The following POM121L12 variants were observed in gnomAD, a reference collection of about 807,000 sequenced individuals.
POM121L12 encodes POM121 transmembrane nucleoporin like 12.
For missense variants in POM121L12, 553 were observed against 409.2 expected (o/e 1.35, Z -3.03); for synonymous variants, 251 against 179.2 (o/e 1.40, Z -3.20).
chr7:53,036,021 AG>A, the POM121L12 span: 1 of 1,612,924 alleles, frequency 6.2e-7, no homozygotes, highest in Middle Eastern at 1.7e-4. Context: ...TGTGCCTGGG[AG>A]GGTTGCATGA....
chr7:53,035,715 T>C lies in POM121L12; in HGVS notation c.44T>C (p.Phe15Ser), dbSNP rs199657677. The C allele has an allele frequency of 1.4e-5, 22 of 1,610,258 alleles. No individual in the cohort carries two copies. In the East Asian group the frequency reaches 3.1e-4, roughly 23 times the overall value. ...GCCGAGTCCGCAGACCTCGGGAACTTCTGGAAGGCGGGAGAACCCCTGCTG... is the reference window on the plus strand; with the variant it reads ...GCCGAGTCCGCAGACCTCGGGAACTCCTGGAAGGCGGGAGAACCCCTGCTG... The part of the protein sequence containing the change: ...APAESADLGN[F>S]WKAGEPLLQG... The change falls in exon 1 of 1, where the codon TTC becomes TCC. Residue 15 changes from phenylalanine (F) to serine (S), a missense_variant. By Grantham distance (155) the Phe-to-Ser change is radical. Transcript: ENST00000408890.
At position 53,036,619 on chromosome 7, in the gene POM121L12, T is replaced by A; in HGVS notation, c.*57T>A. 1 of 1,514,922 alleles carries A rather than the reference T, an allele frequency of 6.6e-7. No homozygotes were observed. The allele number at this position is 1,514,922 out of a possible 1,614,324, so 93.8% of individuals were successfully genotyped here. A position where few individuals can be genotyped will look rare whatever the true frequency, so the allele number is the denominator to read the frequency against. On this transcript the variant is annotated 3_prime_UTR_variant, in exon 1 of 1. Transcript: ENST00000408890. ...CACAAGCCCACGTATCTACTTTCAC[T>A]TGCTCATCCTTGCTCTACCTCAACG...
rs759611723 is a variant in POM121L12, at chr7:53,036,163, C to T, written c.492C>T (p.Pro164=). 27 of 1,609,432 alleles carry T rather than the reference C, an allele frequency of 1.7e-5. No individual in the cohort carries two copies. The highest frequency in any genetic ancestry group is 1.6e-4 in the East Asian group (7 of 44,766). Residue 164 remains proline, a synonymous_variant, in exon 1 of 1, where the codon CCC becomes CCT. Coordinates refer to ENST00000408890, the MANE Select transcript of POM121L12 (RefSeq NM_182595.4). The part of the protein sequence containing the change: ...PGQRARPAGR[P]AAQELLDPCT... The stretch of plus-strand genomic sequence containing the variant: ...AGAGAGCCCGCCCCGCAGGCCGCCC[C>T]GCCGCCCAGGAGCTCCTGGACCCCT...
At chr7:53,035,774 AG>A in the POM121L12 span, 1 of 1,613,446 alleles carries the variant, frequency 6.2e-7, no homozygotes, top group Non-Finnish European at 8.5e-7. Flanking sequence ...TCCCATGAGC[AG>A]GTCACCCAGC....
At position 53,036,063 on chromosome 7, in the gene POM121L12, G is replaced by A; in HGVS notation, c.392G>A (p.Gly131Glu). ...GGGCTGTGTCGTGCCTGGAACCCAG[G>A]ACGGACCTGGAGCCCGGTGACCATC... ...KGGLCRAWNP[G>E]RTWSPVTIGI... Residue 131 changes from glycine to glutamate, a missense_variant, in exon 1 of 1, where the codon GGA becomes GAA. Gly to Glu is a moderately conservative substitution (Grantham distance 98, BLOSUM62 -2). Coordinates refer to ENST00000408890, the MANE Select transcript of POM121L12 (RefSeq NM_182595.4). The A allele has an allele frequency of 1.9e-6, 3 of 1,612,988 alleles. No homozygotes were observed. The highest frequency in any genetic ancestry group is 1.1e-5 in the South Asian group (1 of 91,080).
In POM121L12 at chr7:53,036,717, C is replaced by T. The variant is rs1362102480; in HGVS notation, c.*155C>T. ...GTCTGCCCGCCCCCAGATCTTCCCT[C>T]TGTGCTCCCTGCCACCCCAGCAGCT... On this transcript the variant is annotated 3_prime_UTR_variant, in exon 1 of 1. Transcript: ENST00000408890. 3.9e-6 allele frequency: 3 copies of T among 773,426 alleles called. No homozygotes were observed. The highest frequency in any genetic ancestry group is 1.8e-5 in the African/African-American group (1 of 56,982). The allele number at this position is 773,426 out of a possible 1,614,324, so 47.9% of individuals were successfully genotyped here.
At position 53,036,493 on chromosome 7, in the gene POM121L12, C is replaced by T. The variant is rs1272666777; in HGVS notation, c.822C>T (p.Ser274=). 1.2e-6 allele frequency: 2 copies of T among 1,613,842 alleles called. No homozygotes were observed. Among genetic ancestry groups the T allele is most frequent in the Non-Finnish European group, 1.7e-6 (2 of 1,180,004 alleles). The part of the protein sequence containing the change: ...IWDFWEATTP[S]CGSCSRVSFA... The stretch of plus-strand genomic sequence containing the variant: ...ACTTCTGGGAGGCGACAACGCCTTC[C>T]TGCGGCAGCTGCAGTAGGGTCTCCT... The change falls in exon 1 of 1, where the codon TCC becomes TCT. Residue 274 remains serine (S), a synonymous_variant. Transcript: ENST00000408890.
chr7:53,036,770 C>A lies in POM121L12; in HGVS notation c.*208C>A, dbSNP rs539000133. On this transcript the variant is annotated 3_prime_UTR_variant, in exon 1 of 1. Coordinates refer to ENST00000408890, the MANE Select transcript of POM121L12 (RefSeq NM_182595.4). ...TGATTTCAGAACCCTTGCCTTCGCCCTGCTGGCCCTCTCCTCCCTGCCCTT... is the reference window on the plus strand; with the variant it reads ...TGATTTCAGAACCCTTGCCTTCGCCATGCTGGCCCTCTCCTCCCTGCCCTT... 8.6e-5 allele frequency: 49 copies of A among 567,004 alleles called. No individual in the cohort carries two copies. Among genetic ancestry groups the A allele is most frequent in the African/African-American group, 8.0e-4 (43 of 53,422 alleles). 35.1% of individuals were successfully genotyped at this position (567,004 alleles called of 1,614,324 possible). A position where few individuals can be genotyped will look rare whatever the true frequency, so the allele number is the denominator to read the frequency against.
chr7:53,036,285 G>GT, the POM121L12 span: 1 of 1,614,110 alleles, frequency 6.2e-7, no homozygotes, highest in Non-Finnish European at 8.5e-7. Flanking sequence ...GACAGCAAGG[G>GT]TGGCAGGCGG....
In POM121L12 at chr7:53,035,947, G is replaced by T; in HGVS notation, c.276G>T (p.Val92=). 1 of 1,612,634 alleles carries T rather than the reference G, an allele frequency of 6.2e-7. No individual in the cohort carries two copies. Among genetic ancestry groups the T allele is most frequent in the Non-Finnish European group, 8.5e-7 (1 of 1,179,548 alleles). The part of the protein sequence containing the change: ...PTQDPAKPQR[V]VSEGWRRPAL... ...AGGACCCCGCCAAGCCGCAGCGGGT[G>T]GTCTCCGAGGGCTGGAGGCGCCCTG... The change falls in exon 1 of 1, where the codon GTG becomes GTT. Residue 92 remains valine (V), a synonymous_variant. Coordinates refer to ENST00000408890, the MANE Select transcript of POM121L12 (RefSeq NM_182595.4).
rs1787571018 is a variant in POM121L12 at position 53,036,772 on chromosome 7, G to A, written c.*210G>A. On this transcript the variant is annotated 3_prime_UTR_variant, in exon 1 of 1. Coordinates refer to ENST00000408890, the MANE Select transcript of POM121L12 (RefSeq NM_182595.4). Reference sequence around the variant, plus strand: ...ATTTCAGAACCCTTGCCTTCGCCCTGCTGGCCCTCTCCTCCCTGCCCTTCT... The same window carrying A: ...ATTTCAGAACCCTTGCCTTCGCCCTACTGGCCCTCTCCTCCCTGCCCTTCT... 8.9e-6 allele frequency: 5 copies of A among 561,564 alleles called. No homozygotes were observed. The highest frequency in any genetic ancestry group is 3.4e-5 in the Admixed American group (1 of 29,618). The allele number at this position is 561,564 out of a possible 1,614,324, so 34.8% of individuals were successfully genotyped here. A position where few individuals can be genotyped will look rare whatever the true frequency, so the allele number is the denominator to read the frequency against.
Position 53,035,761 on chromosome 7 carries a change from G to A in POM121L12, c.90G>A (p.Ala30=). Reference sequence around the variant, plus strand: ...TGCTGCAAGGCCCCGACGCCCTGGCGGCTCCCATGAGCAGGTCACCCAGCA... The same window carrying A: ...TGCTGCAAGGCCCCGACGCCCTGGCAGCTCCCATGAGCAGGTCACCCAGCA... ...EPLLQGPDAL[A]APMSRSPSTP... Residue 30 remains alanine, a synonymous_variant, in exon 1 of 1, where the codon GCG becomes GCA. Coordinates refer to ENST00000408890, the MANE Select transcript of POM121L12 (RefSeq NM_182595.4). The A allele has an allele frequency of 1.9e-6, 3 of 1,613,686 alleles. No homozygotes were observed. The highest frequency in any genetic ancestry group is 2.5e-6 in the Non-Finnish European group (3 of 1,179,892).
At position 53,036,768 on chromosome 7, in the gene POM121L12, C is replaced by G. The variant is rs952535158; in HGVS notation, c.*206C>G. The G allele has an allele frequency of 2.5e-5, 14 of 565,874 alleles. No homozygotes were observed. The African/African-American group carries it at 2.6e-4, about 11-fold the overall frequency. The allele number at this position is 565,874 out of a possible 1,614,324, so 35.1% of individuals were successfully genotyped here. On this transcript the variant is annotated 3_prime_UTR_variant, in exon 1 of 1. Transcript: ENST00000408890. ...GTTGATTTCAGAACCCTTGCCTTCG[C>G]CCTGCTGGCCCTCTCCTCCCTGCCC...
In POM121L12 at chr7:53,036,121, C is replaced by G; in HGVS notation, c.450C>G (p.Pro150=). The change falls in exon 1 of 1, where the codon CCC becomes CCG. Residue 150 remains proline (P), a synonymous_variant. Coordinates refer to ENST00000408890, the MANE Select transcript of POM121L12 (RefSeq NM_182595.4). ...GIAPPERQES[P]WRSPGQRARP... ...CGCCCCCTGAGCGTCAGGAGAGCCC[C>G]TGGAGATCCCCTGGACAGAGAGCCC... is the stretch of plus-strand genomic sequence containing the variant. The G allele has an allele frequency of 1.9e-6, 3 of 1,611,692 alleles. No individual in the cohort carries two copies. Among genetic ancestry groups the G allele is most frequent in the Non-Finnish European group, 2.5e-6 (3 of 1,179,660 alleles).
Position 53,035,660 on chromosome 7 carries a change from G to T in POM121L12, c.-12G>T, listed in dbSNP as rs773770503. On this transcript the variant is annotated 5_prime_UTR_variant, in exon 1 of 1. Transcript: ENST00000408890. The stretch of plus-strand genomic sequence containing the variant: ...GCCTTCCAAGCGCCCAGAGGCCAAC[G>T]GTCCCCCAGCCATGGGCGCTGCAGC... 2 of 1,546,212 alleles carry T rather than the reference G, an allele frequency of 1.3e-6. No homozygotes were observed. Among genetic ancestry groups the T allele is most frequent in the Non-Finnish European group, 1.7e-6 (2 of 1,144,572 alleles).
At position 53,036,176 on chromosome 7, in the gene POM121L12, C is replaced by A. The variant is rs1026102381; in HGVS notation, c.505C>A (p.Leu169Ile). 1.2e-6 allele frequency: 2 copies of A among 1,610,386 alleles called. No individual in the cohort carries two copies. The highest frequency in any genetic ancestry group is 1.3e-5 in the African/African-American group (1 of 74,894). ...CGCAGGCCGCCCCGCCGCCCAGGAGCTCCTGGACCCCTGCACCCGGGAGAC... is the reference window on the plus strand; with the variant it reads ...CGCAGGCCGCCCCGCCGCCCAGGAGATCCTGGACCCCTGCACCCGGGAGAC... ...RPAGRPAAQE[L>I]LDPCTRETLL... Residue 169 changes from leucine (L) to isoleucine (I), a missense_variant, in exon 1 of 1, where the codon CTC becomes ATC. Coordinates refer to ENST00000408890, the MANE Select transcript of POM121L12 (RefSeq NM_182595.4).
At position 53,035,689 on chromosome 7, in the gene POM121L12, G is replaced by T. The variant is rs72598685; in HGVS notation, c.18G>T (p.Pro6=). The change falls in exon 1 of 1, where the codon CCG becomes CCT. Residue 6 remains proline, a synonymous_variant. Coordinates refer to ENST00000408890, the MANE Select transcript of POM121L12 (RefSeq NM_182595.4). MGAAA[P]AESADLGNFW... ...CCCCAGCCATGGGCGCTGCAGCTCC[G>T]GCCGAGTCCGCAGACCTCGGGAACT... 433,335 of 1,589,014 alleles carry T rather than the reference G, an allele frequency of 0.27. 62,191 individuals carry two copies. Among genetic ancestry groups the T allele is most frequent in the East Asian group, 0.48 (20,824 of 43,032 alleles).
chr7:53,035,785 C>T lies in POM121L12; in HGVS notation c.114C>T (p.Ser38=), dbSNP rs1317131465. 10 of 1,613,608 alleles carry T rather than the reference C, an allele frequency of 6.2e-6. No individual in the cohort carries two copies. The highest frequency in any genetic ancestry group is 7.6e-6 in the Non-Finnish European group (9 of 1,179,886). The change falls in exon 1 of 1, where the codon AGC becomes AGT. Residue 38 remains serine, a synonymous_variant. Transcript: ENST00000408890. ...CGGCTCCCATGAGCAGGTCACCCAG[C>T]ACGCCCCAGACCACGCCATCTCCCC... is the stretch of plus-strand genomic sequence containing the variant. ...ALAAPMSRSP[S]TPQTTPSPQG...
Position 53,036,641 on chromosome 7 carries a change from A to C in POM121L12, c.*79A>C. On this transcript the variant is annotated 3_prime_UTR_variant, in exon 1 of 1. Transcript: ENST00000408890. ...CACTTGCTCATCCTTGCTCTACCTC[A>C]ACGTGGGGCCCTGACACCACGTTAT... 3 of 1,458,216 alleles carry C rather than the reference A, an allele frequency of 2.1e-6. No individual in the cohort carries two copies. The highest frequency in any genetic ancestry group is 1.3e-5 in the South Asian group (1 of 74,620). The allele number at this position is 1,458,216 out of a possible 1,614,324, so 90.3% of individuals were successfully genotyped here.
Sources: allele counts gnomAD v4.1 joint callset, GRCh38; gene constraint gnomAD v4.1.1; transcripts MANE v1.5; gene names NCBI Gene and HGNC (gene_info 2026-07-23, HGNC 2026-07-21).